Variants in EIF2AK1 observed in about 807,000 individuals in gnomAD.
The protein encoded by EIF2AK1 is eukaryotic translation initiation factor 2-alpha kinase 1.
A neutral mutation model predicts 77.9 loss-of-function variants in EIF2AK1; 54 were observed. The observed-to-expected ratio is 0.69, with a 90% CI of 0.56 to 0.87. The LOEUF is 0.87. Among genes scored for constraint, EIF2AK1 ranks in the 40% least tolerant of loss-of-function variants. The pLI, the probability that EIF2AK1 is intolerant of heterozygous loss-of-function variation, is 0.00. For missense variants in EIF2AK1, 810 were observed against 768.6 expected (o/e 1.05, Z -0.64); for synonymous variants, 314 against 290.5 (o/e 1.08, Z -0.82).
rs1788290912 is a variant in EIF2AK1 at position 6,041,328 on chromosome 7, C to G, written c.792-109G>C. On this transcript the variant is annotated intron_variant, in intron 8 of 14. Coordinates refer to ENST00000199389, the MANE Select transcript of EIF2AK1 (RefSeq NM_014413.4). ...CTGAGGCGGGCAGATCACTTAAGGTCAGGAGTTGGAGACCAGCTTACCCAA... is the reference window on the plus strand; with the variant it reads ...CTGAGGCGGGCAGATCACTTAAGGTGAGGAGTTGGAGACCAGCTTACCCAA... The G allele has an allele frequency of 3.5e-6, 4 of 1,157,050 alleles. No individual in the cohort carries two copies. The Admixed American group carries it at 7.9e-5, about 23-fold the overall frequency. The allele number at this position is 1,157,050 out of a possible 1,614,324, so 71.7% of individuals were successfully genotyped here.
chr7:6,048,970 T>C, intron 3 of EIF2AK1, 126 bp from the exon 4 acceptor site: 3 of 626,710 alleles, frequency 4.8e-6, no homozygotes. Flanking sequence ...CCACTGGCTT[T>C]TTCAGTATTA....
At chr7:6,031,288 T>C (rs1787903085) in intron 11 of EIF2AK1, 2 of 1,281,048 alleles carry the variant, frequency 1.6e-6, no homozygotes, top group Admixed American at 4.2e-5. Context: ...AGAACAGTTC[T>C]AGAACTGAAC....
Position 6,023,688 on chromosome 7 carries a change from G to A in EIF2AK1, c.*985C>T. On this transcript the variant is annotated 3_prime_UTR_variant, in exon 15 of 15. Transcript: ENST00000199389. ...TTAACACGGCCCTCAAGCTCCTTAAGTGAATTGCCGTAACTGATTTTAAAG... is the reference window on the plus strand; with the variant it reads ...TTAACACGGCCCTCAAGCTCCTTAAATGAATTGCCGTAACTGATTTTAAAG... The A allele has an allele frequency of 6.2e-7, 1 of 1,614,080 alleles. No individual in the cohort carries two copies. Among genetic ancestry groups the A allele is most frequent in the Non-Finnish European group, 8.5e-7 (1 of 1,179,976 alleles).
chr7:6,056,613 A>AAAAAAAC lies in EIF2AK1; in HGVS notation c.119-1910_119-1909insGTTTTTT. Among the ~76,000 whole-genome samples the AAAAAAAC allele has an allele frequency of 1.5e-3, 67 of 43,736 alleles. 2 individuals are homozygous for AAAAAAAC. The highest frequency in any genetic ancestry group is 3.9e-3 in the African/African-American group (47 of 12,158). 28.7% of individuals were successfully genotyped at this position (43,736 alleles called of 152,430 possible). A position where few individuals can be genotyped will look rare whatever the true frequency, so the allele number is the denominator to read the frequency against. ...CATCTCAAGGGAAAAAAAAAAAAAA[A>AAAAAAAC]ATATATATATATATATATATATAAA... On this transcript the variant is annotated intron_variant, in intron 1 of 14. Transcript: ENST00000199389.
At chr7:6,047,125 C>G in intron 4 of EIF2AK1, 34 bp from the exon 5 acceptor site, 2 of 1,580,322 alleles carry the variant, frequency 1.3e-6, no homozygotes, top group Non-Finnish European at 8.7e-7. Context: ...AATATTAAAA[C>G]ATGAGAGAAT....
chr7:6,031,328 T>C, intron 11 of EIF2AK1: 1 of 1,506,428 alleles, frequency 6.6e-7, no homozygotes, highest in Non-Finnish European at 9.0e-7. Context: ...AGACTGAAAC[T>C]GACCAATTCC....
At position 6,033,127 on chromosome 7, in the gene EIF2AK1, C is replaced by A. The variant is rs1204038285; in HGVS notation, c.1333-4095G>T. On this transcript the variant is annotated intron_variant, in intron 11 of 14. Coordinates refer to ENST00000199389, the MANE Select transcript of EIF2AK1 (RefSeq NM_014413.4). The surrounding 1 kb of genome is among the most constrained non-coding windows in gnomAD (Gnocchi z 4.4). The stretch of plus-strand genomic sequence containing the variant: ...GGGATTACAGGTGTGCGTCACCATG[C>A]CCAGCTAACATTTGTATTTTTAGTA... Among the ~76,000 whole-genome samples the A allele has an allele frequency of 6.6e-6, 1 of 152,072 alleles. No homozygotes were observed. Among genetic ancestry groups the A allele is most frequent in the Non-Finnish European group, 1.5e-5 (1 of 68,018 alleles).
chr7:6,024,539 G>C lies in EIF2AK1; in HGVS notation c.*134C>G, dbSNP rs569108689. ...TGGGGCAGGAAGGGAAGGAACGGCA[G>C]CTTGGGGCACTCTGACATCTTTAAC... is the stretch of plus-strand genomic sequence containing the variant. On this transcript the variant is annotated 3_prime_UTR_variant, in exon 15 of 15. Transcript: ENST00000199389. 2 of 1,485,874 alleles carry C rather than the reference G, an allele frequency of 1.3e-6. No individual in the cohort carries two copies. The highest frequency in any genetic ancestry group is 4.9e-5 in the Admixed American group (2 of 40,436). 92.0% of individuals were successfully genotyped at this position (1,485,874 alleles called of 1,614,324 possible). A position where few individuals can be genotyped will look rare whatever the true frequency, so the allele number is the denominator to read the frequency against.
At position 6,038,558 on chromosome 7, in the gene EIF2AK1, A is replaced by G; in HGVS notation, c.1231+2T>C. The G allele has an allele frequency of 3.1e-6, 5 of 1,608,634 alleles. No homozygotes were observed. The highest frequency in any genetic ancestry group is 4.2e-6 in the Non-Finnish European group (5 of 1,177,094). On this transcript the variant is annotated splice_donor_variant, in intron 10 of 14. Transcript: ENST00000199389. LOFTEE classifies it high-confidence loss of function. ...GGCCCGGCAGACCCAGATGGTACTC[A>G]CAGGCAGACTCGTCCACATACTCCC...
At chr7:6,034,320 T>C (rs749088361) in intron 11 of EIF2AK1, among the ~76,000 whole-genome samples, 1 of 151,788 alleles carries the variant, frequency 6.6e-6, no homozygotes, top group African/African-American at 2.4e-5. Flanking sequence ...ATAATAATAA[T>C]AATAGAACTT....
intron 11 of EIF2AK1, chr7:6,031,579 A>G (rs1358386847): frequency 6.4e-7 from 1 of 1,550,802 alleles, no homozygotes; most frequent in East Asian, 2.4e-5. Context: ...GCAACAGATT[A>G]CTTCTGACCC....
rs781612158 is a variant in EIF2AK1 at position 6,054,679 on chromosome 7, C to G, written c.144G>C (p.Gln48His). The G allele has an allele frequency of 1.2e-6, 2 of 1,613,948 alleles. No homozygotes were observed. The highest frequency in any genetic ancestry group is 1.1e-5 in the South Asian group (1 of 91,040). The change falls in exon 2 of 15, where the codon CAG becomes CAC. Residue 48 changes from glutamine to histidine, a missense_variant. Coordinates refer to ENST00000199389, the MANE Select transcript of EIF2AK1 (RefSeq NM_014413.4). Reference protein sequence around the residue: ...YDESDVPAEIQVLKEPLQQPT... With the variant: ...YDESDVPAEIHVLKEPLQQPT... ...GCTGTTGTAGGGGTTCTTTTAACAC[C>G]TGGATTTCTGCTGGAACATCAGATT... is the stretch of plus-strand genomic sequence containing the variant.
At chr7:6,040,866 T>G (rs1035713881) in intron 9 of EIF2AK1, 26 bp downstream of exon 9, 1 of 1,597,300 alleles carries the variant, frequency 6.3e-7, no homozygotes, top group Middle Eastern at 1.7e-4. Flanking sequence ...CTGGCCAAAT[T>G]AGGAGGGTCT....
Position 6,027,040 on chromosome 7 carries a change from C to A in EIF2AK1, c.1531-79G>T. 1 of 1,175,540 alleles carries A rather than the reference C, an allele frequency of 8.5e-7. No homozygotes were observed. The highest frequency in any genetic ancestry group is 1.3e-6 in the Non-Finnish European group (1 of 797,442). 72.8% of individuals were successfully genotyped at this position (1,175,540 alleles called of 1,614,324 possible). On this transcript the variant is annotated intron_variant, in intron 13 of 14. Coordinates refer to ENST00000199389, the MANE Select transcript of EIF2AK1 (RefSeq NM_014413.4). The surrounding 1 kb of genome is among the most constrained non-coding windows in gnomAD (Gnocchi z 4.5). ...GTTTCCATTTCCGTGTTCCACCCTC[C>A]AAACAGGAGAGGGTTTCTAAGAATG...
chr7:6,041,572 T>C (rs1343356970), intron 8 of EIF2AK1, among the ~76,000 whole-genome samples: 1 of 151,768 alleles, frequency 6.6e-6, no homozygotes, highest in African/African-American at 2.4e-5. Flanking sequence ...CCGGGTGCAG[T>C]GGCTCATGCC....
At position 6,032,909 on chromosome 7, in the gene EIF2AK1, T is replaced by C. The variant is rs774922697; in HGVS notation, c.1333-3877A>G. The C allele has an allele frequency of 2.5e-5, 38 of 1,550,952 alleles. No individual in the cohort carries two copies. The highest frequency in any genetic ancestry group is 3.1e-5 in the Non-Finnish European group (35 of 1,146,978). On this transcript the variant is annotated intron_variant, in intron 11 of 14. Coordinates refer to ENST00000199389, the MANE Select transcript of EIF2AK1 (RefSeq NM_014413.4). This position sits in a 1 kb window ranked among gnomAD's most constrained non-coding sequence, Gnocchi z 4.3. ...AAGGCCCAGAGTCTGCTCTGCCTGT[T>C]ACGGCACGGTGCTGACCCAGAAGTC...
At position 6,027,105 on chromosome 7, in the gene EIF2AK1, A is replaced by G. The variant is rs1245925123; in HGVS notation, c.1531-144T>C. On this transcript the variant is annotated intron_variant, in intron 13 of 14. Coordinates refer to ENST00000199389, the MANE Select transcript of EIF2AK1 (RefSeq NM_014413.4). This position sits in a 1 kb window ranked among gnomAD's most constrained non-coding sequence, Gnocchi z 4.5. ...CCCACAAGGAAGGGAACAGAGCAGG[A>G]TAGCTCATCAGTGACAGGGACTTTC... is the stretch of plus-strand genomic sequence containing the variant. 7 of 685,950 alleles carry G rather than the reference A, an allele frequency of 1.0e-5. No homozygotes were observed. The highest frequency in any genetic ancestry group is 1.5e-5 in the Non-Finnish European group (6 of 407,684). 42.5% of individuals were successfully genotyped at this position (685,950 alleles called of 1,614,324 possible).
intron 11 of EIF2AK1, 37 bp downstream of exon 11, chr7:6,037,387 T>A (rs937970259): frequency 1.5e-5 from 21 of 1,366,496 alleles, no homozygotes; most frequent in Non-Finnish European, 2.2e-5. Context: ...GATACAAAGC[T>A]CCCACTGCTT....
chr7:6,028,216 T>A (rs1045801381), intron 13 of EIF2AK1, among the ~76,000 whole-genome samples: 2 of 151,986 alleles, frequency 1.3e-5, no homozygotes, highest in Non-Finnish European at 2.9e-5. Flanking sequence ...TCCAAAAACA[T>A]CTCTATGACA....
Sources: allele counts gnomAD v4.1 joint callset (sites outside exome capture counted in the v4.1 genomes callset), GRCh38; gene constraint gnomAD v4.1.1; non-coding constraint Gnocchi (gnomAD v3.1); transcripts MANE v1.5; gene names NCBI Gene and HGNC (gene_info 2026-07-23, HGNC 2026-07-21).